The following MTMR10 variants were observed in gnomAD, a reference collection of about 807,000 sequenced individuals.
MTMR10 encodes myotubularin related protein 10.
In MTMR10, 56 loss-of-function variants were observed where a neutral mutation model predicts 88.1. That is an observed-to-expected ratio of 0.64 (90% CI 0.51 to 0.79). The LOEUF is 0.79. Ranked by LOEUF, MTMR10 falls within the 30% of genes least tolerant of loss-of-function variation. The pLI, the probability that MTMR10 is intolerant of heterozygous loss-of-function variation, is 0.00. For missense variants in MTMR10, 883 were observed against 924.7 expected, an observed-to-expected ratio of 0.95 and a Z score of 0.58; for synonymous variants, 380 against 340.9, an observed-to-expected ratio of 1.11 and a Z score of -1.26.
Position 30,948,320 on chromosome 15 carries a change from T to C in MTMR10, c.1359A>G (p.Leu453=), listed in dbSNP as rs1372535121. The part of the protein sequence containing the change: ...GYQFLDRCNH[L]KRSEKESPLF... ...TTGTTACCTCTTTCTCTGATCTCTT[T>C]AGATGGTTGCATCTGTCTAGAAACT... The change falls in exon 13 of 16, where the codon CTA becomes CTG. Residue 453 remains leucine (L), a synonymous_variant. Transcript: ENST00000435680. 3 of 1,613,610 alleles carry C rather than the reference T, an allele frequency of 1.9e-6. No homozygotes were observed. In the African/African-American group the frequency reaches 4.0e-5, roughly 22 times the overall value.
intron 2 of MTMR10, among the ~76,000 whole-genome samples, chr15:30,979,676 A>T (rs2030422575): frequency 6.6e-6 from 1 of 152,240 alleles, no homozygotes; most frequent in Non-Finnish European, 1.5e-5. Context: ...CCTTGTGGCC[A>T]CACTAGTACC....
At chr15:30,979,508 G>T (rs2030404567) in intron 2 of MTMR10, among the ~76,000 whole-genome samples, 1 of 152,030 alleles carries the variant, frequency 6.6e-6, no homozygotes. Flanking sequence ...AACCCAGGAG[G>T]TGGAGGTTGC....
At position 30,970,982 on chromosome 15, in the gene MTMR10, A is replaced by C. The variant is rs2063531588; in HGVS notation, c.475-2972T>G. Among the ~76,000 whole-genome samples, 2 of 152,162 alleles carry C rather than the reference A, an allele frequency of 1.3e-5. 1 individual carries two copies. Among genetic ancestry groups the C allele is most frequent in the South Asian group, 4.1e-4 (2 of 4,830 alleles). On this transcript the variant is annotated intron_variant, in intron 5 of 15. Coordinates refer to ENST00000435680, the MANE Select transcript of MTMR10 (RefSeq NM_017762.3). Reference sequence around the variant, plus strand: ...GTATAACTTATGTTCATATGACCTAAGTAAGAGGCCTCTTTGGACACACAG... The same window carrying C: ...GTATAACTTATGTTCATATGACCTACGTAAGAGGCCTCTTTGGACACACAG...
downstream of MTMR10, among the ~76,000 whole-genome samples, chr15:30,936,377 G>C (rs1424420889): frequency 6.7e-6 from 1 of 150,288 alleles, no homozygotes; most frequent in Non-Finnish European, 1.5e-5. Context: ...TGAGGGCCTT[G>C]GGGTAGGGAA....
At position 30,991,516 on chromosome 15, in the gene MTMR10, G is replaced by A. The variant is rs2031332011; in HGVS notation, c.-10C>T. The A allele has an allele frequency of 1.3e-6, 2 of 1,532,324 alleles. No individual in the cohort carries two copies. Among genetic ancestry groups the A allele is most frequent in the African/African-American group, 1.5e-5 (1 of 68,876 alleles). The allele number at this position is 1,532,324 out of a possible 1,614,324, so 94.9% of individuals were successfully genotyped here. ...GCTTGAGGGAGAACATGGTGCCGCC[G>A]CCTTTTCGCCCCGTTCCCGTCGCGG... On this transcript the variant is annotated 5_prime_UTR_variant, in exon 1 of 16. Coordinates refer to ENST00000435680, the MANE Select transcript of MTMR10 (RefSeq NM_017762.3).
At position 30,953,601 on chromosome 15, in the gene MTMR10, A is replaced by G; in HGVS notation, c.1097T>C (p.Leu366Ser). 1 of 1,546,790 alleles carries G rather than the reference A, an allele frequency of 6.5e-7. No homozygotes were observed. Among genetic ancestry groups the G allele is most frequent in the East Asian group, 2.4e-5 (1 of 41,112 alleles). Reference protein sequence around the residue: ...EPFEETEEKWLSSLENTRWLE... With the variant: ...EPFEETEEKWSSSLENTRWLE... ...CCATCGAGTATTTTCCAGTGAAGAT[A>G]ACCATTTCTCTTCAGTTTCTTCAAA... The change falls in exon 11 of 16, where the codon TTA (leucine) becomes TCA (serine). Residue 366 changes from leucine (L) to serine (S), a missense_variant. Physicochemically the swap from Leu to Ser is moderately radical, Grantham distance 145. Around this residue, in one of 3 missense-constraint regions of MTMR10, gnomAD observed 126 missense variants for 178.2 expected, o/e 0.71. Coordinates refer to ENST00000435680, the MANE Select transcript of MTMR10 (RefSeq NM_017762.3).
chr15:30,923,183 C>T, the MTMR10 span, among the ~76,000 whole-genome samples: 18 of 152,264 alleles, frequency 1.2e-4, no homozygotes, highest in East Asian at 3.5e-3. Flanking sequence ...TTGCCGTAAA[C>T]TGAAAAAGTG....
At position 30,939,441 on chromosome 15, in the gene MTMR10, C is replaced by A; in HGVS notation, c.*2029G>T. 1 of 985,476 alleles carries A rather than the reference C, an allele frequency of 1.0e-6. No homozygotes were observed. Among genetic ancestry groups the A allele is most frequent in the Non-Finnish European group, 1.2e-6 (1 of 829,936 alleles). 61.0% of individuals were successfully genotyped at this position (985,476 alleles called of 1,614,324 possible). On this transcript the variant is annotated 3_prime_UTR_variant, in exon 16 of 16. Transcript: ENST00000435680. ...GGCAGAGGTGGTATAAGCAGCTTCACCCTGGCCCGACTGAAGGCTGTCATA... is the reference window on the plus strand; with the variant it reads ...GGCAGAGGTGGTATAAGCAGCTTCAACCTGGCCCGACTGAAGGCTGTCATA...
chr15:30,991,557 G>A lies in MTMR10; in HGVS notation c.-51C>T, dbSNP rs1363320382. 2.0e-6 allele frequency: 3 copies of A among 1,525,578 alleles called. No homozygotes were observed. Among genetic ancestry groups the A allele is most frequent in the South Asian group, 1.3e-5 (1 of 78,972 alleles). The allele number at this position is 1,525,578 out of a possible 1,614,324, so 94.5% of individuals were successfully genotyped here. ...CCCGTCGCGGGCCAGTGGCAGCGCC[G>A]ACGCCTCCGGGCGTAAAGCTCTCAG... is the stretch of plus-strand genomic sequence containing the variant. On this transcript the variant is annotated 5_prime_UTR_variant, in exon 1 of 16. Transcript: ENST00000435680.
chr15:30,969,275 C>T (rs2063509118), intron 5 of MTMR10, among the ~76,000 whole-genome samples: 1 of 151,592 alleles, frequency 6.6e-6, no homozygotes, highest in South Asian at 2.1e-4. Flanking sequence ...AAAAAAAAAA[C>T]TGCTTCTTGA....
chr15:30,925,971 A>G, the MTMR10 span: 1 of 1,610,506 alleles, frequency 6.2e-7, no homozygotes, highest in South Asian at 1.1e-5. Flanking sequence ...TGTGGCACCC[A>G]GCCCCGGGTG....
intron 2 of MTMR10, among the ~76,000 whole-genome samples, chr15:30,986,367 T>C (rs1213034934): frequency 6.6e-6 from 1 of 151,548 alleles, no homozygotes; most frequent in Non-Finnish European, 1.5e-5. Flanking sequence ...AAATAATTAA[T>C]GTTCTCTGTG....
At chr15:30,927,126 T>G in the MTMR10 span, 1 of 917,118 alleles carries the variant, frequency 1.1e-6, no homozygotes, top group Non-Finnish European at 1.3e-6. Context: ...GGAGGATCTC[T>G]TGACCCCAGG....
At chr15:30,927,563 C>T in the MTMR10 span, 545 of 985,648 alleles carry the variant, frequency 5.5e-4, 2 homozygotes, top group African/African-American at 8.7e-3. Flanking sequence ...CTCACAGCAC[C>T]CCTGATCCCA....
At chr15:30,942,779 C>T in intron 15 of MTMR10, 111 bp downstream of exon 15, 1 of 1,129,786 alleles carries the variant, frequency 8.9e-7, no homozygotes. Flanking sequence ...CAGAAACCCG[C>T]ATTAGCAGTG....
In MTMR10 at chr15:30,939,685, G is replaced by A; in HGVS notation, c.*1785C>T. The A allele has an allele frequency of 1.0e-6, 1 of 958,304 alleles. No homozygotes were observed. The highest frequency in any genetic ancestry group is 1.2e-6 in the Non-Finnish European group (1 of 805,398). The allele number at this position is 958,304 out of a possible 1,614,324, so 59.4% of individuals were successfully genotyped here. A position where few individuals can be genotyped will look rare whatever the true frequency, so the allele number is the denominator to read the frequency against. ...ATAAACGTGAAGGAAGAAAATTACA[G>A]AGGGAAAAATGCTCAATCCAAAACA... On this transcript the variant is annotated 3_prime_UTR_variant, in exon 16 of 16. Transcript: ENST00000435680.
intron 13 of MTMR10, 64 bp downstream of exon 13, chr15:30,948,238 A>T: frequency 6.9e-7 from 1 of 1,457,640 alleles, no homozygotes; most frequent in Non-Finnish European, 9.3e-7. Flanking sequence ...TTCATCTTTT[A>T]ATGACACAAA....
intron 6 of MTMR10, among the ~76,000 whole-genome samples, chr15:30,962,902 G>C (rs1246687779): frequency 6.6e-6 from 1 of 152,172 alleles, no homozygotes; most frequent in African/African-American, 2.4e-5. Flanking sequence ...GTCAAAAGTT[G>C]CCAGGTAGCT....
intron 10 of MTMR10, among the ~76,000 whole-genome samples, chr15:30,954,225 G>A (rs1284509866): frequency 2.6e-5 from 4 of 152,150 alleles, no homozygotes; most frequent in African/African-American, 9.7e-5. Flanking sequence ...AAGATCTGCT[G>A]CAAGGCTGCC....
Sources: allele counts gnomAD v4.1 joint callset (sites outside exome capture counted in the v4.1 genomes callset), GRCh38; gene constraint gnomAD v4.1.1; regional missense constraint gnomAD v4.1.1; transcripts MANE v1.5; gene names NCBI Gene and HGNC (gene_info 2026-07-23, HGNC 2026-07-21).